The following UBE2E2 variants were observed in gnomAD, a reference collection of about 807,000 sequenced individuals.
UBE2E2 encodes ubiquitin conjugating enzyme E2 E2.
A neutral mutation model predicts 24.7 loss-of-function variants in UBE2E2; 6 were observed. The observed-to-expected ratio is 0.24, with a 90% confidence interval of 0.13 to 0.48. The LOEUF is 0.48. UBE2E2 is among the 20% of genes least tolerant of loss of function. The pLI, the probability that UBE2E2 is intolerant of heterozygous loss-of-function variation, is 0.99. For missense variants in UBE2E2, 169 were observed against 245.0 expected, an observed-to-expected ratio of 0.69 and a Z score of 2.07; for synonymous variants, 104 against 83.6, an observed-to-expected ratio of 1.24 and a Z score of -1.33.
intron 3 of UBE2E2, among the ~76,000 whole-genome samples, chr3:23,432,152 C>T (rs1320464960): frequency 2.6e-5 from 4 of 152,134 alleles, no homozygotes; most frequent in Non-Finnish European, 5.9e-5. Context: ...AATTATATCA[C>T]AAGCAGTCAA....
At chr3:23,351,933 T>C (rs1028619928) in intron 3 of UBE2E2, among the ~76,000 whole-genome samples, 3 of 152,202 alleles carry the variant, frequency 2.0e-5, no homozygotes, top group African/African-American at 7.2e-5. Context: ...AATATACATT[T>C]TTTTCAGCAC....
At chr3:23,246,584 A>G (rs1697410077) in intron 3 of UBE2E2, among the ~76,000 whole-genome samples, 1 of 151,498 alleles carries the variant, frequency 6.6e-6, no homozygotes, top group Non-Finnish European at 1.5e-5. Flanking sequence ...GGGCCTTTCC[A>G]TGTCGACCAA....
intron 3 of UBE2E2, among the ~76,000 whole-genome samples, chr3:23,322,146 T>C (rs923417271): frequency 1.3e-5 from 2 of 152,218 alleles, no homozygotes; most frequent in African/African-American, 2.4e-5. Context: ...TCTTGAAATA[T>C]TTAGTAAGTT....
intron 3 of UBE2E2, among the ~76,000 whole-genome samples, chr3:23,430,573 G>C (rs889079983): frequency 1.3e-5 from 2 of 151,948 alleles, no homozygotes; most frequent in African/African-American, 4.8e-5. Context: ...CTGTCACCCA[G>C]ACTGAAGTGC....
chr3:23,271,050 C>G (rs12106681), intron 3 of UBE2E2: 31,142 of 456,238 alleles, frequency 0.068, 1,438 homozygotes, highest in Non-Finnish European at 0.093. Flanking sequence ...TTAACTATGA[C>G]TAACATACAC....
chr3:23,528,039 G>A (rs1166326705), intron 4 of UBE2E2, among the ~76,000 whole-genome samples: 1 of 152,184 alleles, frequency 6.6e-6, no homozygotes, highest in Non-Finnish European at 1.5e-5. Context: ...CATCTGAAGT[G>A]AGAAGCAGTC....
intron 4 of UBE2E2, among the ~76,000 whole-genome samples, chr3:23,500,993 T>C (rs948370712): frequency 1.3e-5 from 2 of 152,184 alleles, no homozygotes; most frequent in African/African-American, 2.4e-5. Flanking sequence ...TGGTAGGTTT[T>C]CAATGACAAA....
chr3:23,447,127 C>A (rs1698452127), intron 3 of UBE2E2, among the ~76,000 whole-genome samples: 2 of 152,064 alleles, frequency 1.3e-5, no homozygotes, highest in Admixed American at 6.6e-5. Context: ...GTACTTACAA[C>A]AGTAGTAGTT....
chr3:23,488,031 T>G (rs138570663), intron 3 of UBE2E2, among the ~76,000 whole-genome samples: 38 of 151,826 alleles, frequency 2.5e-4, no homozygotes, highest in African/African-American at 8.9e-4. Flanking sequence ...ACAACCAACC[T>G]TTTTAGGAAT....
At chr3:23,208,397 G>A (rs1253796777) in intron 1 of UBE2E2, among the ~76,000 whole-genome samples, 1 of 151,996 alleles carries the variant, frequency 6.6e-6, no homozygotes, top group Non-Finnish European at 1.5e-5. Context: ...ACTATATTTT[G>A]TTCATCCATT....
chr3:23,308,366 A>G (rs17012991), intron 3 of UBE2E2, among the ~76,000 whole-genome samples: 2,209 of 152,294 alleles, frequency 0.015, 53 homozygotes, highest in African/African-American at 0.051. Context: ...TGCTTTATTC[A>G]TATTACCATC....
intron 3 of UBE2E2, among the ~76,000 whole-genome samples, chr3:23,399,542 A>G (rs1177001442): frequency 6.6e-6 from 1 of 152,196 alleles, no homozygotes; most frequent in African/African-American, 2.4e-5. Context: ...CATTTTAATG[A>G]CAAAAATCAC....
At chr3:23,499,112 T>G (rs978960470) in intron 3 of UBE2E2, among the ~76,000 whole-genome samples, 6 of 152,172 alleles carry the variant, frequency 3.9e-5, no homozygotes, top group Non-Finnish European at 7.4e-5. Flanking sequence ...TTGGTCATGA[T>G]GTATGGGTCA....
At chr3:23,530,364 T>A (rs1444496994) in intron 4 of UBE2E2, among the ~76,000 whole-genome samples, 1 of 152,218 alleles carries the variant, frequency 6.6e-6, no homozygotes, top group Non-Finnish European at 1.5e-5. Flanking sequence ...TATAGCTATG[T>A]CATTTTCTCC....
intron 3 of UBE2E2, among the ~76,000 whole-genome samples, chr3:23,293,569 A>T (rs1698827382): frequency 6.6e-6 from 1 of 152,188 alleles, no homozygotes; most frequent in Non-Finnish European, 1.5e-5. Context: ...TGGAGACCTT[A>T]ATGGGGAATT....
At chr3:23,219,233 G>C (rs1013330945) in intron 3 of UBE2E2, among the ~76,000 whole-genome samples, 1 of 152,234 alleles carries the variant, frequency 6.6e-6, no homozygotes, top group South Asian at 2.1e-4. Context: ...ATTTACCTTC[G>C]TATGGCACTC....
chr3:23,208,650 T>G (rs1210771704), intron 1 of UBE2E2, 42 bp from the exon 2 acceptor site: 6 of 1,512,898 alleles, frequency 4.0e-6, no homozygotes, highest in South Asian at 1.3e-5. Flanking sequence ...GGTAGCTTAC[T>G]GTAGTACAGC....
intron 3 of UBE2E2, among the ~76,000 whole-genome samples, chr3:23,443,196 TA>T (rs1249117192): frequency 6.6e-6 from 1 of 152,168 alleles, no homozygotes; most frequent in Non-Finnish European, 1.5e-5. Flanking sequence ...TGGTTTCACT[TA>T]CCACCTCTGA....
chr3:23,532,408 C>A, intron 4 of UBE2E2, 146 bp from the exon 5 acceptor site: 1 of 584,832 alleles, frequency 1.7e-6, no homozygotes, highest in Non-Finnish European at 2.6e-6. Flanking sequence ...ATCTCATGTG[C>A]CCAAGAAAAA....
Sources: gnomAD v4.1 joint callset for allele counts (sites outside exome capture counted in the v4.1 genomes callset) on GRCh38, gnomAD v4.1.1 for gene constraint, MANE v1.5 for transcripts, NCBI Gene and HGNC (gene_info 2026-07-23, HGNC 2026-07-21) for gene names.